The following TMEM38A variants were observed in gnomAD, a reference collection of about 807,000 sequenced individuals.
The protein encoded by TMEM38A is trimeric intracellular cation channel type A.
Under a neutral mutation model 28.6 loss-of-function variants are expected in TMEM38A, and 17 were observed. The ratio of observed to expected loss-of-function variants is 0.60; its 90% CI spans 0.41 to 0.89. TMEM38A has a LOEUF of 0.89. Among genes scored for constraint, TMEM38A ranks in the 40% least tolerant of loss-of-function variants. The probability of loss-of-function intolerance (pLI) is 0.00; values close to 1 mark genes in which losing one functional copy is unlikely to be tolerated. For missense variants in TMEM38A, 328 were observed against 393.1 expected (o/e 0.83, Z 1.40); for synonymous variants, 169 against 166.1 (o/e 1.02, Z -0.14).
intron 1 of TMEM38A, among the ~76,000 whole-genome samples, chr19:16,667,861 GAAAA>G (rs112685452): frequency 7.8e-6 from 1 of 127,424 alleles, no homozygotes; most frequent in Admixed American, 8.4e-5. Flanking sequence ...CTCCGTCTCA[GAAAA>G]AAAAAAAAAA....
chr19:16,682,899 A>C (rs995947186), intron 4 of TMEM38A, among the ~76,000 whole-genome samples: 1 of 152,070 alleles, frequency 6.6e-6, no homozygotes, highest in Non-Finnish European at 1.5e-5. Context: ...GCATATCTGG[A>C]GCTAAGTGGA....
At chr19:16,664,861 A>T (rs906454921) in intron 1 of TMEM38A, among the ~76,000 whole-genome samples, 3 of 150,996 alleles carry the variant, frequency 2.0e-5, no homozygotes, top group African/African-American at 7.3e-5. Context: ...TCTCCTAAAA[A>T]AATAATAATA....
chr19:16,663,922 T>C (rs1378100516), intron 1 of TMEM38A, among the ~76,000 whole-genome samples: 2 of 151,984 alleles, frequency 1.3e-5, no homozygotes, highest in Non-Finnish European at 2.9e-5. Flanking sequence ...CTGATGTCTG[T>C]TATCAGGGCT....
chr19:16,675,532 C>T (rs1460654667), intron 1 of TMEM38A, among the ~76,000 whole-genome samples: 1 of 146,824 alleles, frequency 6.8e-6, no homozygotes, highest in Non-Finnish European at 1.5e-5. Context: ...CCACGCCTGG[C>T]CTCTCTTGAC....
At chr19:16,677,959 A>G (rs1007901521) in intron 1 of TMEM38A, among the ~76,000 whole-genome samples, 5 of 152,212 alleles carry the variant, frequency 3.3e-5, no homozygotes, top group African/African-American at 1.2e-4. Context: ...TTTCGCTTAC[A>G]TGAGATTCCT....
chr19:16,676,960 C>T (rs2086754437), intron 1 of TMEM38A, among the ~76,000 whole-genome samples: 1 of 151,338 alleles, frequency 6.6e-6, no homozygotes, highest in South Asian at 2.1e-4. Flanking sequence ...GAGGTTTCAC[C>T]ATGTTGGCCA....
intron 5 of TMEM38A, among the ~76,000 whole-genome samples, chr19:16,687,856 C>T (rs1009258617): frequency 3.3e-5 from 5 of 152,158 alleles, no homozygotes; most frequent in African/African-American, 9.7e-5. Flanking sequence ...CAGCTTTTCT[C>T]TGAGCCCAGG....
chr19:16,671,941 G>T (rs1164052468), intron 1 of TMEM38A, among the ~76,000 whole-genome samples: 3 of 152,200 alleles, frequency 2.0e-5, no homozygotes, highest in Admixed American at 6.5e-5. Flanking sequence ...CAAAACATGG[G>T]TGCCTCACCC....
intron 1 of TMEM38A, among the ~76,000 whole-genome samples, chr19:16,664,847 C>T (rs747057599): frequency 1.3e-5 from 2 of 151,644 alleles, no homozygotes; most frequent in Non-Finnish European, 2.9e-5. Flanking sequence ...AGAGCAAGAC[C>T]GTGTCTCCTA....
chr19:16,661,325 C>T lies in TMEM38A; in HGVS notation c.108C>T (p.Tyr36=). 1.3e-6 allele frequency: 2 copies of T among 1,593,896 alleles called. No individual in the cohort carries two copies. The highest frequency in any genetic ancestry group is 1.1e-5 in the South Asian group (1 of 88,752). ...GTTACTTCATCGTCTCCATCCTCTA[C>T]CTCAAGTATGAGCCAGGTGAGCCGG... ...DLSYFIVSIL[Y]LKYEPGAVEL... is the part of the protein sequence containing the mutation. The change falls in exon 1 of 6, where the codon TAC becomes TAT. Residue 36 remains tyrosine (Y), a synonymous_variant. Transcript: ENST00000187762. The surrounding 1 kb of genome is among the most constrained non-coding windows in gnomAD (Gnocchi z 6.5).
intron 1 of TMEM38A, among the ~76,000 whole-genome samples, chr19:16,674,101 A>G (rs2086739282): frequency 6.7e-6 from 1 of 150,300 alleles, no homozygotes; most frequent in Admixed American, 6.7e-5. Flanking sequence ...AAAAGTGTCC[A>G]GGGCCAGGCG....
chr19:16,674,858 A>G (rs2086743419), intron 1 of TMEM38A, among the ~76,000 whole-genome samples: 1 of 152,030 alleles, frequency 6.6e-6, no homozygotes, highest in African/African-American at 2.4e-5. Flanking sequence ...TTTCCCATAA[A>G]TTCATTCACA....
Position 16,690,019 on chromosome 19 carries a change from A to G in TMEM38A, c.*1648A>G, listed in dbSNP as rs540773819. 37 of 152,142 alleles carry G rather than the reference A, an allele frequency of 2.4e-4. No homozygotes were observed. The highest frequency in any genetic ancestry group is 8.7e-4 in the African/African-American group (36 of 41,508). 9.4% of individuals were successfully genotyped at this position (152,142 alleles called of 1,614,324 possible). ...AGGGGCAGCCAATAAATCATTGTGA[A>G]TGAACCCTCATGGCTTGTCTGATTT... On this transcript the variant is annotated 3_prime_UTR_variant, in exon 6 of 6. Transcript: ENST00000187762.
intron 1 of TMEM38A, among the ~76,000 whole-genome samples, chr19:16,666,013 G>A (rs1322578761): frequency 6.6e-6 from 1 of 151,142 alleles, no homozygotes; most frequent in East Asian, 1.9e-4. Flanking sequence ...ACGGAGTCTT[G>A]CCGTGTCTCT....
intron 1 of TMEM38A, among the ~76,000 whole-genome samples, chr19:16,663,398 AT>A (rs1030027046): frequency 1.3e-5 from 2 of 152,118 alleles, no homozygotes; most frequent in African/African-American, 4.8e-5. Context: ...GGTTCAAGAT[AT>A]TTCTGCAGAA....
rs1222886520 is a variant in TMEM38A, at chr19:16,680,396, G to A, written c.282-1G>A. On this transcript the variant is annotated splice_acceptor_variant, in intron 2 of 5. Coordinates refer to ENST00000187762, the MANE Select transcript of TMEM38A (RefSeq NM_024074.4). LOFTEE classifies it high-confidence loss of function. The stretch of plus-strand genomic sequence containing the variant: ...GGCACTCACTGTTCTCTCCCCAAAA[G>A]GTACTTGATTTTCTTCTGCCCCCTG... 2 of 1,613,922 alleles carry A rather than the reference G, an allele frequency of 1.2e-6. No homozygotes were observed. The highest frequency in any genetic ancestry group is 1.7e-6 in the Non-Finnish European group (2 of 1,179,966).
At position 16,661,370 on chromosome 19, in the gene TMEM38A, C is replaced by T; in HGVS notation, c.124+29C>T. On this transcript the variant is annotated intron_variant, in intron 1 of 5. Transcript: ENST00000187762. The surrounding 1 kb of genome is among the most constrained non-coding windows in gnomAD (Gnocchi z 6.5). ...AGCCGGGGCGGGGGGCTGGAGGGGA[C>T]CGGCAGCGGGTGGCGCGGGCCGGGG... 6.5e-7 allele frequency: 1 copy of T among 1,547,970 alleles called. No homozygotes were observed. Among genetic ancestry groups the T allele is most frequent in the Non-Finnish European group, 8.7e-7 (1 of 1,144,650 alleles).
At position 16,661,832 on chromosome 19, in the gene TMEM38A, C is replaced by T. The variant is rs2086682612; in HGVS notation, c.124+491C>T. Among the ~76,000 whole-genome samples the T allele has an allele frequency of 6.6e-6, 1 of 152,066 alleles. No homozygotes were observed. Among genetic ancestry groups the T allele is most frequent in the Non-Finnish European group, 1.5e-5 (1 of 68,014 alleles). ...GCGAAAGTGACACCGGTTCTCCTCCCCACTGCAACTGCCCAGCACCCTCCA... is the reference window on the plus strand; with the variant it reads ...GCGAAAGTGACACCGGTTCTCCTCCTCACTGCAACTGCCCAGCACCCTCCA... On this transcript the variant is annotated intron_variant, in intron 1 of 5. Coordinates refer to ENST00000187762, the MANE Select transcript of TMEM38A (RefSeq NM_024074.4). The surrounding 1 kb of genome is among the most constrained non-coding windows in gnomAD (Gnocchi z 6.5).
chr19:16,661,800 A>G lies in TMEM38A; in HGVS notation c.124+459A>G, dbSNP rs2086682124. 6.6e-6 allele frequency among the ~76,000 whole-genome samples: 1 copy of G among 152,070 alleles called. No homozygotes were observed. Among genetic ancestry groups the G allele is most frequent in the Non-Finnish European group, 1.5e-5 (1 of 68,010 alleles). ...GGCCACTGCGCTGGGGGCTGCGGTC[A>G]GGTTCAGCGAAAGTGACACCGGTTC... On this transcript the variant is annotated intron_variant, in intron 1 of 5. Coordinates refer to ENST00000187762, the MANE Select transcript of TMEM38A (RefSeq NM_024074.4). This position sits in a 1 kb window ranked among gnomAD's most constrained non-coding sequence, Gnocchi z 6.5.
Sources: gnomAD v4.1 joint callset for allele counts (sites outside exome capture counted in the v4.1 genomes callset) on GRCh38, gnomAD v4.1.1 for gene constraint, Gnocchi (gnomAD v3.1) non-coding constraint, MANE v1.5 for transcripts, NCBI Gene and HGNC (gene_info 2026-07-23, HGNC 2026-07-21) for gene names.